Variants in ST6GAL2 observed in about 807,000 individuals in gnomAD.
ST6GAL2 encodes the protein beta-galactoside alpha-2,6-sialyltransferase 2.
In ST6GAL2, 24 loss-of-function variants were observed where a neutral mutation model predicts 37.5. The ratio of observed to expected loss-of-function variants is 0.64; its 90% CI spans 0.46 to 0.90. The LOEUF is 0.90. Ranked by LOEUF, ST6GAL2 falls within the 40% of genes least tolerant of loss-of-function variation. The pLI, the probability that ST6GAL2 is intolerant of heterozygous loss-of-function variation, is 0.00. For synonymous variants in ST6GAL2, 306 were observed against 295.1 expected, an observed-to-expected ratio of 1.04 and a Z score of -0.38; for missense variants, 715 against 712.7, an observed-to-expected ratio of 1.00 and a Z score of -0.04.
intron 1 of ST6GAL2, among the ~76,000 whole-genome samples, chr2:106,880,387 G>GGAT (rs1678698325): frequency 2.0e-5 from 3 of 152,334 alleles, no homozygotes; most frequent in Admixed American, 2.0e-4. Flanking sequence ...TAACCAATAT[G>GGAT]TAGGATTCCA....
chr2:106,877,248 C>T (rs1354428524), intron 1 of ST6GAL2, among the ~76,000 whole-genome samples: 2 of 152,170 alleles, frequency 1.3e-5, no homozygotes, highest in Admixed American at 6.5e-5. Context: ...CCTTCGATCC[C>T]AGAAGGTGGT....
intron 1 of ST6GAL2, among the ~76,000 whole-genome samples, chr2:106,883,787 T>C (rs1164637922): frequency 1.3e-5 from 2 of 152,016 alleles, no homozygotes; most frequent in Non-Finnish European, 2.9e-5. Flanking sequence ...CACAATACAT[T>C]TAAAGAGCAA....
intron 1 of ST6GAL2, among the ~76,000 whole-genome samples, chr2:106,860,742 A>G (rs1677765200): frequency 6.6e-6 from 1 of 152,208 alleles, no homozygotes; most frequent in Non-Finnish European, 1.5e-5. Flanking sequence ...GTCTAATTAC[A>G]TGAATAAGGT....
At chr2:106,841,400 T>TGA (rs1676878045) in intron 2 of ST6GAL2, among the ~76,000 whole-genome samples, 2 of 152,338 alleles carry the variant, frequency 1.3e-5, no homozygotes, top group East Asian at 3.9e-4. Flanking sequence ...ACGCCTACTG[T>TGA]GAGAGTGTAC....
intron 5 of ST6GAL2, among the ~76,000 whole-genome samples, chr2:106,822,391 G>A (rs1379557787): frequency 6.6e-6 from 1 of 151,910 alleles, no homozygotes; most frequent in Non-Finnish European, 1.5e-5. Context: ...AATCAAGAAG[G>A]TAATCCCATT....
Position 106,843,912 on chromosome 2 carries a change from G to C in ST6GAL2, c.66C>G (p.Leu22=), listed in dbSNP as rs1677040896. Residue 22 remains leucine (L), a synonymous_variant, in exon 2 of 6, where the codon CTC becomes CTG. Coordinates refer to ENST00000409382, the MANE Select transcript of ST6GAL2 (RefSeq NM_001142351.2). The stretch of plus-strand genomic sequence containing the variant: ...TGAAGTAGATGAAAATCAGCAAAAA[G>C]AGGAGCCCCCAAGCGAATATTCCGA... ...MLFGIFAWGL[L]FLLIFIYFTD... 2 of 1,601,932 alleles carry C rather than the reference G, an allele frequency of 1.2e-6. No individual in the cohort carries two copies. Among genetic ancestry groups the C allele is most frequent in the African/African-American group, 2.7e-5 (2 of 74,908 alleles).
chr2:106,874,111 G>A (rs1160311126), intron 1 of ST6GAL2, among the ~76,000 whole-genome samples: 1 of 152,212 alleles, frequency 6.6e-6, no homozygotes, highest in Non-Finnish European at 1.5e-5. Context: ...CTGGCACACG[G>A]AGTTCTGGAG....
At chr2:106,862,006 G>C (rs1443349411) in intron 1 of ST6GAL2, among the ~76,000 whole-genome samples, 3 of 152,126 alleles carry the variant, frequency 2.0e-5, no homozygotes, top group South Asian at 2.1e-4. Flanking sequence ...ATTACAATAA[G>C]GGTATCTGCA....
intron 1 of ST6GAL2, among the ~76,000 whole-genome samples, chr2:106,864,894 T>C (rs1014310267): frequency 1.3e-5 from 2 of 152,290 alleles, no homozygotes; most frequent in East Asian, 1.9e-4. Context: ...TCCTACTCAG[T>C]AGTGTGCTAT....
chr2:106,881,329 AATTTACATAGCAAGATCCCTCTTCT>A (rs1678742831), intron 1 of ST6GAL2, among the ~76,000 whole-genome samples: 1 of 152,210 alleles, frequency 6.6e-6, no homozygotes, highest in African/African-American at 2.4e-5. Flanking sequence ...TTTAAAATAT[AATTTACATAGCAAGATCCCTCTTCT>A]AACAGTACAA....
At chr2:106,872,873 C>G (rs1453908540) in intron 1 of ST6GAL2, among the ~76,000 whole-genome samples, 1 of 152,068 alleles carries the variant, frequency 6.6e-6, no homozygotes, top group Non-Finnish European at 1.5e-5. Context: ...ACTTAATGTT[C>G]CTAACTTCAA....
chr2:106,820,310 T>C (rs1675954102), intron 5 of ST6GAL2, among the ~76,000 whole-genome samples: 1 of 151,668 alleles, frequency 6.6e-6, no homozygotes, highest in African/African-American at 2.4e-5. Context: ...ACCTCCCAAC[T>C]AAAAGCAGGG....
chr2:106,864,324 CCT>C (rs1402626878), intron 1 of ST6GAL2, among the ~76,000 whole-genome samples: 1 of 152,222 alleles, frequency 6.6e-6, no homozygotes, highest in Non-Finnish European at 1.5e-5. Flanking sequence ...GGTCTTCTCC[CCT>C]GTTCCTGCAA....
At chr2:106,807,617 G>A (rs190664353) in intron 5 of ST6GAL2, among the ~76,000 whole-genome samples, 11 of 145,412 alleles carry the variant, frequency 7.6e-5, no homozygotes, top group Non-Finnish European at 1.5e-4. Context: ...AATCATCACT[G>A]AGTACATTTT....
chr2:106,845,279 G>T (rs1677098266), intron 1 of ST6GAL2, among the ~76,000 whole-genome samples: 1 of 152,210 alleles, frequency 6.6e-6, no homozygotes, highest in Non-Finnish European at 1.5e-5. Flanking sequence ...TGCCTACCTG[G>T]ATGTCTGGGG....
rs1416577060 is a variant in ST6GAL2, at chr2:106,801,915, C to T, written c.*4763G>A. The stretch of plus-strand genomic sequence containing the variant: ...ATGTTAGATTTTAACACCACCAATG[C>T]AATTTCTTTGTTTCCAATCTACCTA... On this transcript the variant is annotated 3_prime_UTR_variant, in exon 6 of 6. Transcript: ENST00000409382. 2.0e-5 allele frequency: 3 copies of T among 152,072 alleles called. No individual in the cohort carries two copies. Among genetic ancestry groups the T allele is most frequent in the Admixed American group, 1.3e-4 (2 of 15,272 alleles). The allele number at this position is 152,072 out of a possible 1,614,324, so 9.4% of individuals were successfully genotyped here.
chr2:106,809,017 A>G (rs965402720), intron 5 of ST6GAL2, among the ~76,000 whole-genome samples: 17 of 152,194 alleles, frequency 1.1e-4, no homozygotes, highest in African/African-American at 4.1e-4. Flanking sequence ...AAAACAAAAC[A>G]AAACAACCCA....
chr2:106,823,298 G>A (rs1447266138), intron 5 of ST6GAL2, among the ~76,000 whole-genome samples: 2 of 151,942 alleles, frequency 1.3e-5, no homozygotes, highest in African/African-American at 4.8e-5. Context: ...CCGTGCCTAT[G>A]GGGTACTAGA....
At chr2:106,868,502 T>C (rs984898792) in intron 1 of ST6GAL2, among the ~76,000 whole-genome samples, 2 of 152,190 alleles carry the variant, frequency 1.3e-5, no homozygotes, top group African/African-American at 4.8e-5. Context: ...TCATAGGTCA[T>C]AAATTTTTAG....
Sources: gnomAD v4.1 joint callset for allele counts (sites outside exome capture counted in the v4.1 genomes callset) on GRCh38, gnomAD v4.1.1 for gene constraint, MANE v1.5 for transcripts, NCBI Gene and HGNC (gene_info 2026-07-23, HGNC 2026-07-21) for gene names.